The following TRDN variants were observed in gnomAD, a reference collection of about 807,000 sequenced individuals.
The protein encoded by TRDN is triadin, also known as triadin in skeletal muscle.
TRDN carries 161 observed loss-of-function variants against 149.7 expected under a neutral mutation model. The observed-to-expected ratio is 1.08, with a 90% CI of 0.95 to 1.23. The LOEUF (loss-of-function observed/expected upper bound fraction) is 1.23, where lower values mean the gene tolerates loss of function less well. TRDN is among the 50% of genes most tolerant of loss of function. The pLI is 0.00. For synonymous variants in TRDN, 294 were observed against 250.5 expected (o/e 1.17, Z -1.64); for missense variants, 896 against 823.5 (o/e 1.09, Z -1.08).
chr6:123,495,358 A>C (rs1251022968), intron 9 of TRDN, among the ~76,000 whole-genome samples: 1 of 151,804 alleles, frequency 6.6e-6, no homozygotes, highest in South Asian at 2.1e-4. Flanking sequence ...GTCTCTACTA[A>C]AAATACAAAA....
At chr6:123,396,078 C>G (rs1355892638) in intron 12 of TRDN, among the ~76,000 whole-genome samples, 1 of 152,108 alleles carries the variant, frequency 6.6e-6, no homozygotes, top group Admixed American at 6.6e-5. Flanking sequence ...TTTCCATTTT[C>G]AAAATTGCAT....
intron 39 of TRDN, among the ~76,000 whole-genome samples, chr6:123,223,250 C>T (rs1775217052): frequency 6.6e-6 from 1 of 151,548 alleles, no homozygotes; most frequent in Non-Finnish European, 1.5e-5. Flanking sequence ...AAAACATGAA[C>T]ACAAAGACGG....
intron 23 of TRDN, among the ~76,000 whole-genome samples, chr6:123,323,315 T>C (rs1779326373): frequency 6.6e-6 from 1 of 152,148 alleles, no homozygotes; most frequent in Admixed American, 6.6e-5. Flanking sequence ...CTAATTTGTT[T>C]ATTGTTAGTT....
chr6:123,249,970 A>G (rs1219699130), intron 38 of TRDN, among the ~76,000 whole-genome samples: 2 of 152,140 alleles, frequency 1.3e-5, no homozygotes, highest in South Asian at 2.1e-4. Context: ...CACCAAAAAA[A>G]CTTCTAGATT....
At chr6:123,350,527 C>G in intron 21 of TRDN, 2 of 667,422 alleles carry the variant, frequency 3.0e-6, no homozygotes, top group Non-Finnish European at 3.7e-6. Context: ...TGTAAGAAAG[C>G]AAAGTATACA....
intron 24 of TRDN, among the ~76,000 whole-genome samples, chr6:123,290,884 C>A (rs1270403491): frequency 1.3e-5 from 2 of 152,150 alleles, no homozygotes; most frequent in Admixed American, 1.3e-4. Context: ...TGGCTGGGTG[C>A]AGTGGATCAC....
rs150439387 is a variant in TRDN at position 123,633,341 on chromosome 6, T to C, written c.22+3413A>G. ...AGTGTAGGCTCCAATAACAACCTAATTGACCAACCTAACAGTCTCACACAG... is the reference window on the plus strand; with the variant it reads ...AGTGTAGGCTCCAATAACAACCTAACTGACCAACCTAACAGTCTCACACAG... On this transcript the variant is annotated intron_variant, in intron 1 of 40. Coordinates refer to ENST00000334268, the MANE Select transcript of TRDN (RefSeq NM_006073.4). 3.4e-4 allele frequency among the ~76,000 whole-genome samples: 52 copies of C among 152,144 alleles called. 1 individual carries two copies. The highest frequency in any genetic ancestry group is 1.1e-3 in the African/African-American group (44 of 41,544).
chr6:123,545,523 A>G (rs1781067803), intron 4 of TRDN, among the ~76,000 whole-genome samples: 2 of 151,894 alleles, frequency 1.3e-5, no homozygotes. Flanking sequence ...TGTACCCAAG[A>G]TAGAGCATCT....
chr6:123,445,992 T>G (rs1309226432), intron 10 of TRDN, among the ~76,000 whole-genome samples: 3 of 147,602 alleles, frequency 2.0e-5, no homozygotes, highest in East Asian at 3.9e-4. Flanking sequence ...AACCCAAATG[T>G]CCAACAATGA....
At chr6:123,292,668 A>T (rs1451789606) in intron 24 of TRDN, among the ~76,000 whole-genome samples, 1 of 151,954 alleles carries the variant, frequency 6.6e-6, no homozygotes, top group Non-Finnish European at 1.5e-5. Flanking sequence ...GTCATTGAGT[A>T]CCCCCTCTGC....
chr6:123,267,253 T>A (rs991718541), intron 32 of TRDN, among the ~76,000 whole-genome samples: 1 of 152,050 alleles, frequency 6.6e-6, no homozygotes, highest in African/African-American at 2.4e-5. Context: ...TTACATATTG[T>A]AAAAATTGAA....
At chr6:123,482,912 G>A (rs1179234341) in intron 9 of TRDN, among the ~76,000 whole-genome samples, 1 of 151,792 alleles carries the variant, frequency 6.6e-6, no homozygotes, top group African/African-American at 2.4e-5. Context: ...ATAGGGCAGT[G>A]GGCATTTGTA....
intron 5 of TRDN, among the ~76,000 whole-genome samples, chr6:123,526,579 T>C (rs1179521301): frequency 6.6e-6 from 1 of 152,124 alleles, no homozygotes; most frequent in Non-Finnish European, 1.5e-5. Context: ...TACGTATTCT[T>C]AGTTTAAATG....
intron 2 of TRDN, among the ~76,000 whole-genome samples, chr6:123,562,344 G>A (rs528077581): frequency 1.3e-5 from 2 of 152,330 alleles, no homozygotes; most frequent in South Asian, 4.1e-4. Flanking sequence ...ACATGGACAT[G>A]AGTAAAATGT....
At position 123,279,499 on chromosome 6, in the gene TRDN, C is replaced by A. The variant is rs534754583; in HGVS notation, c.1511-417G>T. Among the ~76,000 whole-genome samples, 3 of 152,192 alleles carry A rather than the reference C, an allele frequency of 2.0e-5. No homozygotes were observed. The East Asian group carries it at 5.8e-4, about 29-fold the overall frequency. ...TAATTTTCTCTCTTTTTTGCATCAA[C>A]AAATATTTGAATAGTCAACACTTTT... is the stretch of plus-strand genomic sequence containing the variant. On this transcript the variant is annotated intron_variant, in intron 24 of 40. Transcript: ENST00000334268.
At chr6:123,305,249 A>G (rs1474384763) in intron 24 of TRDN, among the ~76,000 whole-genome samples, 2 of 152,172 alleles carry the variant, frequency 1.3e-5, no homozygotes, top group Non-Finnish European at 2.9e-5. Context: ...AGCAAATTCT[A>G]AAGTCTGCCT....
chr6:123,594,631 G>T (rs1783943227), intron 1 of TRDN, among the ~76,000 whole-genome samples: 1 of 23,786 alleles, frequency 4.2e-5, no homozygotes, highest in Non-Finnish European at 9.8e-5. Context: ...TGAAATTCTG[G>T]TTATGTTTGT....
intron 23 of TRDN, among the ~76,000 whole-genome samples, chr6:123,323,746 A>G (rs560589803): frequency 2.0e-3 from 300 of 152,346 alleles, no homozygotes; most frequent in African/African-American, 6.8e-3. Context: ...TTATTCTGTC[A>G]TCATTTCATT....
intron 13 of TRDN, among the ~76,000 whole-genome samples, chr6:123,392,472 T>C (rs1180761500): frequency 1.3e-5 from 2 of 152,018 alleles, no homozygotes; most frequent in East Asian, 3.9e-4. Context: ...TATACACTAA[T>C]AGCAATGATT....
Sources: allele counts gnomAD v4.1 joint callset (sites outside exome capture counted in the v4.1 genomes callset), GRCh38; gene constraint gnomAD v4.1.1; transcripts MANE v1.5; gene names NCBI Gene and HGNC (gene_info 2026-07-23, HGNC 2026-07-21).